NCKAP5: variants seen among roughly 807,000 people sequenced by gnomAD.
NCKAP5 encodes nck-associated protein 5.
In NCKAP5, 92 loss-of-function variants were observed where a neutral mutation model predicts 167.0. That is an observed-to-expected ratio of 0.55 (90% CI 0.47 to 0.66). NCKAP5 has a LOEUF of 0.66. Among genes scored for constraint, NCKAP5 ranks in the 30% least tolerant of loss-of-function variants. The pLI, the probability that NCKAP5 is intolerant of heterozygous loss-of-function variation, is 0.00. For missense variants in NCKAP5, 2,378 were observed against 2,315.0 expected, an observed-to-expected ratio of 1.03 and a Z score of -0.56; for synonymous variants, 891 against 877.4, an observed-to-expected ratio of 1.02 and a Z score of -0.27.
At chr2:133,237,123 C>T (rs1041784113) in intron 4 of NCKAP5, among the ~76,000 whole-genome samples, 3 of 151,870 alleles carry the variant, frequency 2.0e-5, no homozygotes, top group African/African-American at 7.3e-5. Context: ...CTCCTATTGG[C>T]TGAATCTAGA....
chr2:133,152,929 G>A (rs992538056), intron 5 of NCKAP5, among the ~76,000 whole-genome samples: 1 of 152,192 alleles, frequency 6.6e-6, no homozygotes, highest in African/African-American at 2.4e-5. Context: ...TATAGCCTAG[G>A]TGTATAGTGG....
At chr2:132,763,008 A>C (rs1681145861) in intron 16 of NCKAP5, among the ~76,000 whole-genome samples, 1 of 152,212 alleles carries the variant, frequency 6.6e-6, no homozygotes, top group Non-Finnish European at 1.5e-5. Context: ...TTTCATATGA[A>C]TACATGATTC....
intron 4 of NCKAP5, among the ~76,000 whole-genome samples, chr2:133,298,593 T>C (rs1444361661): frequency 1.3e-5 from 2 of 152,188 alleles, no homozygotes; most frequent in Non-Finnish European, 2.9e-5. Flanking sequence ...AAAGAGCCCA[T>C]GAAACCATTA....
intron 2 of NCKAP5, among the ~76,000 whole-genome samples, chr2:133,536,382 A>T (rs1685770246): frequency 6.6e-6 from 1 of 152,034 alleles, no homozygotes; most frequent in Non-Finnish European, 1.5e-5. Flanking sequence ...AGCACCACTT[A>T]TATATTAGGG....
chr2:133,578,040 A>G, the NCKAP5 span, among the ~76,000 whole-genome samples: 1 of 152,188 alleles, frequency 6.6e-6, no homozygotes, highest in African/African-American at 2.4e-5. Flanking sequence ...TACAATTTCT[A>G]TTAGCAACTT....
chr2:133,664,600 A>C, the NCKAP5 span, among the ~76,000 whole-genome samples: 1 of 152,192 alleles, frequency 6.6e-6, no homozygotes, highest in African/African-American at 2.4e-5. Flanking sequence ...CCTGGGTTCA[A>C]GCAATTCTAC....
At chr2:133,144,276 G>A (rs553125474) in intron 5 of NCKAP5, among the ~76,000 whole-genome samples, 1 of 152,016 alleles carries the variant, frequency 6.6e-6, no homozygotes, top group African/African-American at 2.4e-5. Context: ...CTGGTAGCAC[G>A]AAAGCAGGTA....
chr2:133,547,251 C>T (rs915170050), intron 2 of NCKAP5, among the ~76,000 whole-genome samples: 1 of 152,166 alleles, frequency 6.6e-6, no homozygotes, highest in African/African-American at 2.4e-5. Context: ...TCGCTGACTG[C>T]TAGCACAGCA....
At chr2:133,032,160 A>T (rs185488772) in intron 6 of NCKAP5, among the ~76,000 whole-genome samples, 35 of 152,268 alleles carry the variant, frequency 2.3e-4, no homozygotes, top group Middle Eastern at 3.4e-3. Context: ...AGCACCAAGC[A>T]GGCTCTTGGG....
At chr2:133,513,614 C>A (rs924750310) in intron 3 of NCKAP5, among the ~76,000 whole-genome samples, 5 of 152,156 alleles carry the variant, frequency 3.3e-5, no homozygotes, top group Non-Finnish European at 7.4e-5. Context: ...ATTACTATAA[C>A]GATTTGGATA....
At chr2:133,170,962 G>C (rs1009972638) in intron 5 of NCKAP5, among the ~76,000 whole-genome samples, 17 of 151,944 alleles carry the variant, frequency 1.1e-4, no homozygotes, top group African/African-American at 3.9e-4. Context: ...CTAATAAACT[G>C]ATCTAGTATA....
intron 11 of NCKAP5, among the ~76,000 whole-genome samples, chr2:132,822,949 AAG>A (rs1686863854): frequency 6.6e-6 from 1 of 152,198 alleles, no homozygotes. Flanking sequence ...AAGTAGAAGA[AAG>A]AGCTTCAGAA....
At chr2:132,895,392 A>T (rs2148888254) in intron 8 of NCKAP5, among the ~76,000 whole-genome samples, 1 of 151,536 alleles carries the variant, frequency 6.6e-6, no homozygotes, top group Non-Finnish European at 1.5e-5. Context: ...TGGCCATGAG[A>T]GAGAAGTTAC....
At chr2:133,327,915 T>A (rs532725022) in intron 3 of NCKAP5, among the ~76,000 whole-genome samples, 1 of 152,110 alleles carries the variant, frequency 6.6e-6, no homozygotes, top group Non-Finnish European at 1.5e-5. Context: ...TGGCTGTTAG[T>A]GGGTAGGAGC....
intron 6 of NCKAP5, among the ~76,000 whole-genome samples, chr2:133,068,317 A>T (rs2080269845): frequency 6.6e-6 from 1 of 152,228 alleles, no homozygotes. Context: ...GCTTCCCCTC[A>T]GAGCAAGTCT....
the NCKAP5 span, among the ~76,000 whole-genome samples, chr2:133,608,789 A>G: frequency 6.6e-6 from 1 of 152,306 alleles, no homozygotes; most frequent in African/African-American, 2.4e-5. Flanking sequence ...TCAATTGTGT[A>G]ACTTTCCTCT....
At chr2:133,370,265 T>C (rs1685712779) in intron 3 of NCKAP5, among the ~76,000 whole-genome samples, 2 of 152,208 alleles carry the variant, frequency 1.3e-5, no homozygotes, top group Admixed American at 6.5e-5. Flanking sequence ...AAAGAAATGA[T>C]AGAAAAGGCA....
intron 12 of NCKAP5, among the ~76,000 whole-genome samples, chr2:132,792,413 G>A (rs182084937): frequency 3.3e-5 from 5 of 152,314 alleles, no homozygotes; most frequent in Admixed American, 1.3e-4. Flanking sequence ...TGGTTGTGTC[G>A]CAGAGCAGCA....
chr2:132,884,038 G>A (rs4525747), intron 8 of NCKAP5, among the ~76,000 whole-genome samples: 80,069 of 151,986 alleles, frequency 0.53, 21,625 homozygotes, highest in African/African-American at 0.63. Flanking sequence ...ACTCAGTCAC[G>A]GTTCACATTC....
Sources: gnomAD v4.1 joint callset for allele counts (sites outside exome capture counted in the v4.1 genomes callset) on GRCh38, gnomAD v4.1.1 for gene constraint, MANE v1.5 for transcripts, NCBI Gene and HGNC (gene_info 2026-07-23, HGNC 2026-07-21) for gene names.